Variants in REDIC1 observed in about 807,000 individuals in gnomAD.
REDIC1 encodes the protein regulator of DNA class I crossover intermediates 1.
the REDIC1 span, among the ~76,000 whole-genome samples, chr12:39,740,424 A>C: frequency 0.21 from 32,137 of 152,164 alleles, 4,209 homozygotes; most frequent in East Asian, 0.38. Flanking sequence ...GGCATAGGCT[A>C]TATTTCTTTC....
At chr12:39,671,086 A>G in the REDIC1 span, among the ~76,000 whole-genome samples, 1 of 152,136 alleles carries the variant, frequency 6.6e-6, no homozygotes, top group African/African-American at 2.4e-5. Flanking sequence ...GTTCTTTTGA[A>G]GGTGCCATAT....
At chr12:39,834,523 G>A in the REDIC1 span, among the ~76,000 whole-genome samples, 15 of 152,002 alleles carry the variant, frequency 9.9e-5, no homozygotes, top group African/African-American at 1.9e-4. Context: ...ATGTGCAGGC[G>A]TAAAGCCTTT....
At chr12:39,677,615 G>A in the REDIC1 span, among the ~76,000 whole-genome samples, 2 of 152,004 alleles carry the variant, frequency 1.3e-5, no homozygotes, top group Non-Finnish European at 2.9e-5. Flanking sequence ...ACAGAATATT[G>A]TACCCCAAAA....
chr12:39,865,248 C>T, the REDIC1 span, among the ~76,000 whole-genome samples: 97 of 152,240 alleles, frequency 6.4e-4, no homozygotes, highest in African/African-American at 1.9e-3. Flanking sequence ...TCAAGAAGCA[C>T]GAAAGACAAT....
the REDIC1 span, among the ~76,000 whole-genome samples, chr12:39,639,487 G>A: frequency 6.6e-6 from 1 of 152,068 alleles, no homozygotes; most frequent in Admixed American, 6.6e-5. Context: ...CATTGGTAAA[G>A]TTTATGAAAA....
At chr12:39,861,995 T>C in the REDIC1 span, among the ~76,000 whole-genome samples, 2 of 152,202 alleles carry the variant, frequency 1.3e-5, no homozygotes, top group Admixed American at 1.3e-4. Flanking sequence ...AAGCCCCGCA[T>C]GCATTAGCTA....
the REDIC1 span, among the ~76,000 whole-genome samples, chr12:39,697,305 A>C: frequency 6.6e-6 from 1 of 152,336 alleles, no homozygotes; most frequent in African/African-American, 2.4e-5. Flanking sequence ...AAGACTTCCT[A>C]GACAAACAAA....
At chr12:39,896,509 CAT>C in the REDIC1 span, among the ~76,000 whole-genome samples, 3 of 131,226 alleles carry the variant, frequency 2.3e-5, no homozygotes, top group South Asian at 2.4e-4. Context: ...TATGTATGTA[CAT>C]GTGTGTATAC....
chr12:39,683,681 G>A, the REDIC1 span, among the ~76,000 whole-genome samples: 17 of 151,342 alleles, frequency 1.1e-4, no homozygotes, highest in African/African-American at 3.9e-4. Flanking sequence ...ATATTTGCCA[G>A]CTCCCAAATA....
the REDIC1 span, among the ~76,000 whole-genome samples, chr12:39,846,851 C>T: frequency 1.3e-5 from 2 of 152,094 alleles, no homozygotes; most frequent in African/African-American, 4.8e-5. Flanking sequence ...CCATGCAAAG[C>T]TCTTAGTAAA....
At chr12:39,768,261 A>T in the REDIC1 span, among the ~76,000 whole-genome samples, 1 of 152,106 alleles carries the variant, frequency 6.6e-6, no homozygotes, top group African/African-American at 2.4e-5. Context: ...GCTTAAGGGA[A>T]TGTTGTGGCT....
the REDIC1 span, among the ~76,000 whole-genome samples, chr12:39,654,246 A>T: frequency 6.6e-6 from 1 of 152,118 alleles, no homozygotes; most frequent in Non-Finnish European, 1.5e-5. Flanking sequence ...TTAATATATA[A>T]CAATTTATTT....
At chr12:39,632,197 A>C in the REDIC1 span, among the ~76,000 whole-genome samples, 2 of 151,962 alleles carry the variant, frequency 1.3e-5, no homozygotes, top group Non-Finnish European at 2.9e-5. Context: ...CCCAGGTTCA[A>C]GTGATTCTCC....
At chr12:39,698,689 T>C in the REDIC1 span, among the ~76,000 whole-genome samples, 1 of 152,186 alleles carries the variant, frequency 6.6e-6, no homozygotes, top group Non-Finnish European at 1.5e-5. Context: ...ATGAGGAATT[T>C]TGGGAACTAT....
At chr12:39,826,743 A>G in the REDIC1 span, among the ~76,000 whole-genome samples, 1 of 151,288 alleles carries the variant, frequency 6.6e-6, no homozygotes. Flanking sequence ...ATTATAACAC[A>G]TATATATGTC....
At chr12:39,866,215 C>A in the REDIC1 span, among the ~76,000 whole-genome samples, 1 of 152,130 alleles carries the variant, frequency 6.6e-6, no homozygotes, top group African/African-American at 2.4e-5. Context: ...TGAGAAGCAT[C>A]GTGGAAGTAC....
the REDIC1 span, among the ~76,000 whole-genome samples, chr12:39,837,372 A>G: frequency 3.6e-5 from 5 of 137,334 alleles, no homozygotes; most frequent in South Asian, 2.6e-4. Context: ...CGTTAGACCT[A>G]AAACCATAAA....
the REDIC1 span, chr12:39,872,040 T>A: frequency 2.4e-6 from 3 of 1,257,418 alleles, no homozygotes. Flanking sequence ...AAAGATGTAT[T>A]CAATTTGAAA....
At chr12:39,864,265 C>T in the REDIC1 span, among the ~76,000 whole-genome samples, 917 of 152,314 alleles carry the variant, frequency 6.0e-3, 5 homozygotes, top group African/African-American at 0.021. Context: ...TTTTTACTTC[C>T]TGATCCTCTG....
Sources: allele counts gnomAD v4.1 joint callset (sites outside exome capture counted in the v4.1 genomes callset), GRCh38; gene constraint gnomAD v4.1.1; transcripts MANE v1.5; gene names NCBI Gene and HGNC (gene_info 2026-07-23, HGNC 2026-07-21).